APBA2: variants seen among roughly 807,000 people sequenced by gnomAD.
The protein encoded by APBA2 is amyloid beta precursor protein binding family A member 2, also known as amyloid-beta A4 precursor protein-binding family A member 2.
Under a neutral mutation model 75.0 loss-of-function variants are expected in APBA2, and 30 were observed. The observed-to-expected ratio is 0.40, with a 90% CI of 0.30 to 0.54. The LOEUF is 0.54. APBA2 is among the 20% of genes least tolerant of loss of function. APBA2 has a pLI of 0.49. For synonymous variants in APBA2, 444 were observed against 409.6 expected (o/e 1.08, Z -1.01); for missense variants, 801 against 1,016.1 (o/e 0.79, Z 2.88).
chr15:28,929,393 G>A (rs1249250628), intron 2 of APBA2, among the ~76,000 whole-genome samples: 1 of 152,184 alleles, frequency 6.6e-6, no homozygotes. Context: ...CAGTGAATTT[G>A]CGACACACAT....
rs539096775 is a variant in APBA2 at position 28,992,465 on chromosome 15, C to T, written c.-94-3288C>T. Among the ~76,000 whole-genome samples, 3 of 152,334 alleles carry T rather than the reference C, an allele frequency of 2.0e-5. No homozygotes were observed. In the East Asian group the frequency reaches 5.8e-4, roughly 29 times the overall value. ...ATTTGCACGTAGAATAATACAGAGCCTATGATGGCAGTTGAAGTGGTATCC... is the reference window on the plus strand; with the variant it reads ...ATTTGCACGTAGAATAATACAGAGCTTATGATGGCAGTTGAAGTGGTATCC... On this transcript the variant is annotated intron_variant, in intron 2 of 14. Transcript: ENST00000683413.
rs751461137 is a variant in APBA2 at position 29,117,121 on chromosome 15, G to A, written c.2238G>A (p.Pro746=). 9.3e-6 allele frequency: 15 copies of A among 1,613,038 alleles called. No individual in the cohort carries two copies. The highest frequency in any genetic ancestry group is 1.6e-4 in the Middle Eastern group (1 of 6,078). Reference sequence around the variant, plus strand: ...GGCTCCTCACGGGTCAGGAGACCCCGCTGTACATCTAGGCCACCCCAGCCT... The same window carrying A: ...GGCTCCTCACGGGTCAGGAGACCCCACTGTACATCTAGGCCACCCCAGCCT... ...MFRLLTGQET[P]LYI The change falls in exon 15 of 15, where the codon CCG becomes CCA. Residue 746 remains proline (P), a synonymous_variant. Transcript: ENST00000683413.
At chr15:28,967,585 C>T (rs2036805623) in intron 2 of APBA2, among the ~76,000 whole-genome samples, 2 of 152,158 alleles carry the variant, frequency 1.3e-5, no homozygotes, top group African/African-American at 4.8e-5. Context: ...ACTACAGACA[C>T]CTGCCACCAC....
In APBA2 at chr15:29,053,847, G is replaced by T; in HGVS notation, c.-38G>T. On this transcript the variant is annotated splice_region_variant and 5_prime_UTR_variant, in exon 4 of 15. Transcript: ENST00000683413. ...CTTCCCAATGTTCCTCCCCACAGTG[G>T]CTGCCTCCGGGTGATGATGGCTGTG... 1.3e-6 allele frequency: 2 copies of T among 1,579,170 alleles called. No individual in the cohort carries two copies. Among genetic ancestry groups the T allele is most frequent in the Non-Finnish European group, 1.7e-6 (2 of 1,156,024 alleles).
chr15:28,915,656 T>C (rs1251695008), intron 1 of APBA2, among the ~76,000 whole-genome samples: 1 of 143,954 alleles, frequency 6.9e-6, no homozygotes, highest in African/African-American at 2.6e-5. Flanking sequence ...CACAATAGCA[T>C]ATATACACAC....
chr15:28,949,160 G>C (rs890066765), intron 2 of APBA2, among the ~76,000 whole-genome samples: 1 of 151,956 alleles, frequency 6.6e-6, no homozygotes, highest in Non-Finnish European at 1.5e-5. Flanking sequence ...GTCCGTTCAT[G>C]TGCCGTTGTT....
chr15:29,026,696 G>A (rs1277243194), intron 3 of APBA2, among the ~76,000 whole-genome samples: 1 of 151,928 alleles, frequency 6.6e-6, no homozygotes, highest in African/African-American at 2.4e-5. Flanking sequence ...AGCGGATCAC[G>A]AGGTCAGGAG....
At chr15:29,101,997 C>T (rs2044151870) in intron 10 of APBA2, 1 of 618,034 alleles carries the variant, frequency 1.6e-6, no homozygotes, top group Non-Finnish European at 2.9e-6. Flanking sequence ...TCTTCAGGAG[C>T]TGTTTATAAA....
intron 3 of APBA2, among the ~76,000 whole-genome samples, chr15:28,999,452 A>G (rs943285393): frequency 9.9e-5 from 15 of 152,236 alleles, no homozygotes; most frequent in African/African-American, 2.7e-4. Flanking sequence ...GAAAATGTCA[A>G]ATAGACAAAT....
chr15:29,001,954 A>G (rs547981289), intron 3 of APBA2, among the ~76,000 whole-genome samples: 5 of 152,324 alleles, frequency 3.3e-5, no homozygotes, highest in African/African-American at 1.2e-4. Context: ...TCCAATTCTA[A>G]TTAATGACAT....
At chr15:28,980,114 A>C (rs944181519) in intron 2 of APBA2, among the ~76,000 whole-genome samples, 1 of 152,178 alleles carries the variant, frequency 6.6e-6, no homozygotes, top group Non-Finnish European at 1.5e-5. Context: ...TAGATTCAGC[A>C]CTGGCCGTGT....
rs148038664 is a variant in APBA2, at chr15:29,100,986, C to T, written c.1339-613C>T. On this transcript the variant is annotated intron_variant, in intron 9 of 14. Transcript: ENST00000683413. ...CCTAAAACGCTCTGTTAATTAGGGC[C>T]GTGGTTCTCAACCAGTGTGATTTTT... Among the ~76,000 whole-genome samples the T allele has an allele frequency of 6.1e-4, 93 of 152,282 alleles. 1 individual carries two copies. In the East Asian group the frequency reaches 0.015, roughly 24 times the overall value.
chr15:29,115,032 G>T (rs1413268505), intron 14 of APBA2, among the ~76,000 whole-genome samples: 1 of 151,910 alleles, frequency 6.6e-6, no homozygotes, highest in Non-Finnish European at 1.5e-5. Context: ...GTGTGTGAAG[G>T]GGTGTTCAGC....
In APBA2 at chr15:29,117,153, G is replaced by A. The variant is rs367584036; in HGVS notation, c.*20G>A. ...ATCTAGGCCACCCCAGCCTGGCCAC[G>A]CAGCCAGGACACCGGGCAGGGCCGC... On this transcript the variant is annotated 3_prime_UTR_variant, in exon 15 of 15. Transcript: ENST00000683413. The A allele has an allele frequency of 3.3e-5, 53 of 1,612,096 alleles. No individual in the cohort carries two copies. The highest frequency in any genetic ancestry group is 6.7e-5 in the African/African-American group (5 of 74,890).
intron 5 of APBA2, 46 bp downstream of exon 5, chr15:29,075,047 A>C: frequency 7.3e-7 from 1 of 1,366,942 alleles, no homozygotes; most frequent in South Asian, 1.2e-5. Context: ...ACACTCATCT[A>C]ATGATGGAGT....
chr15:29,001,678 G>C (rs2038855526), intron 3 of APBA2, among the ~76,000 whole-genome samples: 1 of 152,232 alleles, frequency 6.6e-6, no homozygotes, highest in Non-Finnish European at 1.5e-5. Flanking sequence ...GAGAGGACAA[G>C]GAGCTGGCTG....
At chr15:29,030,483 T>TA (rs2040435020) in intron 3 of APBA2, among the ~76,000 whole-genome samples, 2 of 150,894 alleles carry the variant, frequency 1.3e-5, no homozygotes, top group South Asian at 2.1e-4. Flanking sequence ...AATAAATAAA[T>TA]AATAATAATA....
intron 1 of APBA2, among the ~76,000 whole-genome samples, chr15:28,888,539 C>T (rs1406078685): frequency 1.3e-5 from 2 of 152,218 alleles, no homozygotes; most frequent in Non-Finnish European, 2.9e-5. Flanking sequence ...GCCCCGGTGA[C>T]TCAACAGGTG....
chr15:29,063,261 A>C (rs1419548161), intron 4 of APBA2, among the ~76,000 whole-genome samples: 609 of 115,252 alleles, frequency 5.3e-3, no homozygotes, highest in African/African-American at 0.019. Context: ...TGATCTGGTC[A>C]GTGTCTGTAT....
Sources: gnomAD v4.1 joint callset for allele counts (sites outside exome capture counted in the v4.1 genomes callset) on GRCh38, gnomAD v4.1.1 for gene constraint, MANE v1.5 for transcripts, NCBI Gene and HGNC (gene_info 2026-07-23, HGNC 2026-07-21) for gene names.